The following STAB2 variants were observed in gnomAD, a reference collection of about 807,000 sequenced individuals.
The protein encoded by STAB2 is stabilin 2, also known as stabilin-2.
A neutral mutation model predicts 338.1 loss-of-function variants in STAB2; 288 were observed. The observed-to-expected ratio is 0.85, with a 90% CI of 0.77 to 0.94. The LOEUF (loss-of-function observed/expected upper bound fraction) is 0.94. STAB2 is among the 40% of genes least tolerant of loss of function. The pLI is 0.00. For missense variants in STAB2, 3,141 were observed against 3,210.1 expected (o/e 0.98, Z 0.52); for synonymous variants, 1,202 against 1,193.3 (o/e 1.01, Z -0.15).
chr12:103,734,759 T>C (rs1881971549), intron 51 of STAB2, among the ~76,000 whole-genome samples: 1 of 152,122 alleles, frequency 6.6e-6, no homozygotes, highest in Non-Finnish European at 1.5e-5. Flanking sequence ...TAGTAAACAG[T>C]TCTGGAGGTG....
In STAB2 at chr12:103,755,619, C is replaced by T. The variant is rs1884042272; in HGVS notation, c.6888C>T (p.Asn2296=). ...DVFCYRMKDV[N]CTCKVGYVGD... ...TGTGCCTCTGCCCTCCAGATGTGAACTGCACCTGCAAGGTGGGCTATGTGG... is the reference window on the plus strand; with the variant it reads ...TGTGCCTCTGCCCTCCAGATGTGAATTGCACCTGCAAGGTGGGCTATGTGG... Residue 2296 remains asparagine, a synonymous_variant, in exon 63 of 69, where the codon AAC becomes AAT. Coordinates refer to ENST00000388887, the MANE Select transcript of STAB2 (RefSeq NM_017564.10). The T allele has an allele frequency of 6.2e-7, 1 of 1,614,134 alleles. No homozygotes were observed.
intron 40 of STAB2, 53 bp from the exon 41 acceptor site, chr12:103,712,311 TGTG>T: frequency 9.8e-6 from 13 of 1,322,808 alleles, no homozygotes; most frequent in Non-Finnish European, 1.4e-5. Flanking sequence ...TTGTGAGTCA[TGTG>T]GTGGGAGGTG....
intron 4 of STAB2, among the ~76,000 whole-genome samples, chr12:103,621,229 T>C (rs1442939281): frequency 6.6e-6 from 1 of 152,230 alleles, no homozygotes; most frequent in Admixed American, 6.5e-5. Context: ...TCATTGTTAA[T>C]ATTAATAATC....
chr12:103,671,323 G>T (rs996238146), intron 22 of STAB2, among the ~76,000 whole-genome samples: 7 of 152,178 alleles, frequency 4.6e-5, no homozygotes, highest in Admixed American at 3.3e-4. Flanking sequence ...GTGGTGGCAG[G>T]TGCCTGTAAT....
chr12:103,695,332 A>G (rs1453920281), intron 31 of STAB2, among the ~76,000 whole-genome samples: 1 of 152,246 alleles, frequency 6.6e-6, no homozygotes, highest in Non-Finnish European at 1.5e-5. Flanking sequence ...GTTTAACGGT[A>G]AGGCATAAAA....
At chr12:103,737,074 G>A (rs571131078) in intron 52 of STAB2, among the ~76,000 whole-genome samples, 17 of 152,152 alleles carry the variant, frequency 1.1e-4, no homozygotes, top group Non-Finnish European at 1.9e-4. Flanking sequence ...AAGCCAAACC[G>A]GGCACTTTGC....
chr12:103,742,538 C>G lies in STAB2; in HGVS notation c.6015C>G (p.Phe2005Leu). Reference sequence around the variant, plus strand: ...GTGAGATGTGCTGGCCGGGGAGATTCGGGCCTGATTGTCTGCGTATGTGGC... The same window carrying G: ...GTGAGATGTGCTGGCCGGGGAGATTGGGGCCTGATTGTCTGCGTATGTGGC... ...TACEMCWPGRFGPDCLPCGCS... is the reference protein window; with the variant it reads ...TACEMCWPGRLGPDCLPCGCS... Residue 2005 changes from phenylalanine to leucine, a missense_variant, in exon 56 of 69, where the codon TTC (phenylalanine) becomes TTG (leucine). By Grantham distance (22) the Phe-to-Leu change is conservative. Transcript: ENST00000388887. 1.2e-6 allele frequency: 2 copies of G among 1,613,970 alleles called. No homozygotes were observed. The highest frequency in any genetic ancestry group is 1.7e-6 in the Non-Finnish European group (2 of 1,179,976).
At chr12:103,695,439 C>T in intron 31 of STAB2, 111 bp from the exon 32 acceptor site, 2 of 888,394 alleles carry the variant, frequency 2.3e-6, no homozygotes, top group Non-Finnish European at 3.5e-6. Context: ...TTGTCAATGT[C>T]AATCCATTGA....
chr12:103,741,000 C>T (rs193151898), intron 55 of STAB2, among the ~76,000 whole-genome samples: 3 of 152,264 alleles, frequency 2.0e-5, no homozygotes, highest in Admixed American at 2.0e-4. Flanking sequence ...CTTGACATTA[C>T]AGCATAGACA....
intron 53 of STAB2, 149 bp downstream of exon 53, chr12:103,737,929 CT>C: frequency 1.9e-6 from 2 of 1,039,090 alleles, no homozygotes; most frequent in Non-Finnish European, 2.7e-6. Flanking sequence ...TGATGTAGTT[CT>C]TTAGACTCAG....
At chr12:103,648,912 C>T (rs995270673) in intron 10 of STAB2, 89 bp downstream of exon 10, 28 of 1,525,938 alleles carry the variant, frequency 1.8e-5, no homozygotes, top group East Asian at 9.1e-5. Context: ...AAGGGACAGG[C>T]GAGCCTTGTC....
intron 19 of STAB2, among the ~76,000 whole-genome samples, chr12:103,667,603 C>T (rs1326740965): frequency 2.6e-5 from 4 of 152,178 alleles, no homozygotes; most frequent in East Asian, 1.9e-4. Context: ...CCTCAAATCA[C>T]CCATCCCGGG....
intron 9 of STAB2, among the ~76,000 whole-genome samples, chr12:103,645,399 A>T (rs1873255775): frequency 6.6e-6 from 1 of 152,236 alleles, no homozygotes; most frequent in Admixed American, 6.5e-5. Context: ...ATTCTCCTGC[A>T]ATCCTTAGGA....
At position 103,625,781 on chromosome 12, in the gene STAB2, C is replaced by T. The variant is rs558202941; in HGVS notation, c.487+3670C>T. Among the ~76,000 whole-genome samples the T allele has an allele frequency of 3.1e-3, 471 of 152,184 alleles. 2 individuals carry two copies. Among genetic ancestry groups the T allele is most frequent in the African/African-American group, 0.011 (438 of 41,506 alleles). ...CATTGTTGGACATTTGGGTTGGTTC[C>T]GAGTCTTTGCTATCGTGAATAGTGC... On this transcript the variant is annotated intron_variant, in intron 5 of 68. Coordinates refer to ENST00000388887, the MANE Select transcript of STAB2 (RefSeq NM_017564.10).
rs1054405506 is a variant in STAB2, at chr12:103,618,119, G to T, written c.332-2349G>T. The stretch of plus-strand genomic sequence containing the variant: ...TTAGAAGTCTCTTTCTTCAAGAACT[G>T]CTGCTATGGTCTGAATGTTTGTGTC... On this transcript the variant is annotated intron_variant, in intron 3 of 68. Coordinates refer to ENST00000388887, the MANE Select transcript of STAB2 (RefSeq NM_017564.10). 3.9e-5 allele frequency among the ~76,000 whole-genome samples: 6 copies of T among 152,320 alleles called. No individual in the cohort carries two copies. The South Asian group carries it at 1.2e-3, about 32-fold the overall frequency.
chr12:103,616,195 C>T lies in STAB2; in HGVS notation c.332-4273C>T, dbSNP rs114222311. Among the ~76,000 whole-genome samples, 1,119 of 152,290 alleles carry T rather than the reference C, an allele frequency of 7.3e-3. 16 individuals are homozygous for T. Among genetic ancestry groups the T allele is most frequent in the African/African-American group, 0.025 (1,048 of 41,552 alleles). ...GGGAGCTTGGATTGGGGAAGCTCTC[C>T]AATTCCTCTCTGATCAGTGTAGCCC... On this transcript the variant is annotated intron_variant, in intron 3 of 68. Transcript: ENST00000388887.
In STAB2 at chr12:103,755,399, G is replaced by A. The variant is rs764154325; in HGVS notation, c.6812G>A (p.Gly2271Glu). The stretch of plus-strand genomic sequence containing the variant: ...CAGAACTGTGGCTCTGGTGTGGTTG[G>A]GATAGTGGACTATGGACCTAGACCC... ...ASQNCGSGVV[G>E]IVDYGPRPNK... The change falls in exon 62 of 69, where the codon GGG becomes GAG. Residue 2271 changes from glycine to glutamate, a missense_variant. Physicochemically the swap from Gly to Glu is moderately conservative, Grantham distance 98. Transcript: ENST00000388887. The A allele has an allele frequency of 6.2e-7, 1 of 1,614,118 alleles. No individual in the cohort carries two copies. Among genetic ancestry groups the A allele is most frequent in the South Asian group, 1.1e-5 (1 of 91,070 alleles).
rs933863732 is a variant in STAB2, at chr12:103,690,620, G to A, written c.3297+82G>A. 23 of 1,252,422 alleles carry A rather than the reference G, an allele frequency of 1.8e-5. No homozygotes were observed. In the African/African-American group the frequency reaches 3.1e-4, roughly 17 times the overall value. 77.6% of individuals were successfully genotyped at this position (1,252,422 alleles called of 1,614,324 possible). The stretch of plus-strand genomic sequence containing the variant: ...TACTTTTTAAATTTTCATGTTATGG[G>A]AACTTCCAAACATGCGCAAAACTAC... On this transcript the variant is annotated intron_variant, in intron 30 of 68. Transcript: ENST00000388887.
At chr12:103,742,293 G>A in intron 55 of STAB2, 112 bp from the exon 56 acceptor site, 1 of 1,407,498 alleles carries the variant, frequency 7.1e-7, no homozygotes, top group Non-Finnish European at 9.7e-7. Flanking sequence ...GACACTGAAG[G>A]CGATGGTCCC....
Sources: gnomAD v4.1 joint callset for allele counts (sites outside exome capture counted in the v4.1 genomes callset) on GRCh38, gnomAD v4.1.1 for gene constraint, MANE v1.5 for transcripts, NCBI Gene and HGNC (gene_info 2026-07-23, HGNC 2026-07-21) for gene names.